LMNTD1: variants seen among roughly 807,000 people sequenced by gnomAD.
LMNTD1 encodes lamin tail domain containing 1, also known as lamin tail domain-containing protein 1.
Under a neutral mutation model 50.9 loss-of-function variants are expected in LMNTD1, and 35 were observed. The ratio of observed to expected loss-of-function variants is 0.69; its 90% CI spans 0.53 to 0.91. The LOEUF (loss-of-function observed/expected upper bound fraction) is 0.91, where lower values mean the gene tolerates loss of function less well. LMNTD1 is among the 40% of genes least tolerant of loss of function. The pLI, the probability that LMNTD1 is intolerant of heterozygous loss-of-function variation, is 0.00. For missense variants in LMNTD1, 470 were observed against 475.5 expected (o/e 0.99, Z 0.11); for synonymous variants, 153 against 161.9 (o/e 0.94, Z 0.42).
At chr12:25,508,428 G>A (rs1939989363) in intron 8 of LMNTD1, among the ~76,000 whole-genome samples, 1 of 152,088 alleles carries the variant, frequency 6.6e-6, no homozygotes, top group Non-Finnish European at 1.5e-5. Flanking sequence ...GTATGCTTAT[G>A]AGATTCACTG....
At chr12:25,608,146 A>G (rs1185567487) in intron 1 of LMNTD1, among the ~76,000 whole-genome samples, 2 of 152,136 alleles carry the variant, frequency 1.3e-5, no homozygotes, top group Non-Finnish European at 1.5e-5. Flanking sequence ...GTCAGAGACT[A>G]GGATTGCAAC....
At chr12:25,525,762 C>A (rs1249718679) in intron 6 of LMNTD1, among the ~76,000 whole-genome samples, 6 of 151,932 alleles carry the variant, frequency 3.9e-5, no homozygotes, top group African/African-American at 1.5e-4. Flanking sequence ...GAAAAAGTAG[C>A]CCAAATGCCC....
chr12:25,535,677 T>A (rs1942529282), intron 4 of LMNTD1, among the ~76,000 whole-genome samples: 1 of 151,972 alleles, frequency 6.6e-6, no homozygotes, highest in Non-Finnish European at 1.5e-5. Flanking sequence ...TGAGAAAAAC[T>A]GGGACAAAGA....
At chr12:25,478,683 G>A (rs1938347519) in intron 9 of LMNTD1, among the ~76,000 whole-genome samples, 1 of 152,196 alleles carries the variant, frequency 6.6e-6, no homozygotes, top group Non-Finnish European at 1.5e-5. Context: ...CTACTTGGGA[G>A]GCTGAGGCAG....
At chr12:25,572,254 A>G (rs925947734) in intron 1 of LMNTD1, among the ~76,000 whole-genome samples, 2 of 152,186 alleles carry the variant, frequency 1.3e-5, no homozygotes, top group African/African-American at 4.8e-5. Context: ...TAATCATTTG[A>G]ACATTATGGG....
At chr12:25,620,799 A>T (rs1029057188) in intron 1 of LMNTD1, among the ~76,000 whole-genome samples, 9 of 152,094 alleles carry the variant, frequency 5.9e-5, no homozygotes, top group Non-Finnish European at 1.2e-4. Flanking sequence ...CCATGTCTTC[A>T]TTTGCTCTAT....
intron 1 of LMNTD1, among the ~76,000 whole-genome samples, chr12:25,575,736 C>A (rs549312054): frequency 1.3e-5 from 2 of 151,694 alleles, no homozygotes; most frequent in Non-Finnish European, 2.9e-5. Flanking sequence ...ATGTGCACAA[C>A]GTGCAGGTTT....
chr12:25,619,784 C>G (rs985350902), intron 1 of LMNTD1, among the ~76,000 whole-genome samples: 1 of 152,204 alleles, frequency 6.6e-6, no homozygotes, highest in Non-Finnish European at 1.5e-5. Context: ...CTAGTTTTGG[C>G]AAAATGGATG....
At chr12:25,503,675 G>A in intron 9 of LMNTD1, 63 bp downstream of exon 9, 1 of 827,374 alleles carries the variant, frequency 1.2e-6, no homozygotes, top group South Asian at 1.5e-5. Flanking sequence ...AGACATTTCT[G>A]CCCATTACTT....
intron 9 of LMNTD1, among the ~76,000 whole-genome samples, chr12:25,480,549 T>A (rs1425717549): frequency 2.0e-5 from 3 of 152,222 alleles, no homozygotes; most frequent in Non-Finnish European, 4.4e-5. Context: ...GGCTTTTCTG[T>A]CTTGGCCAAT....
rs144927019 is a variant in LMNTD1, at chr12:25,641,835, T to C, written c.58+6659A>G. ...GTCTTATCCATTTAGGCTTCTCTGCTTTCCCATCCTAATTTTTTTTCACTC... is the reference window on the plus strand; with the variant it reads ...GTCTTATCCATTTAGGCTTCTCTGCCTTCCCATCCTAATTTTTTTTCACTC... On this transcript the variant is annotated intron_variant, in intron 1 of 7. Transcript: ENST00000445693. Among the ~76,000 whole-genome samples, 59 of 152,248 alleles carry C rather than the reference T, an allele frequency of 3.9e-4. 1 individual carries two copies. In the East Asian group the frequency reaches 0.011, roughly 29 times the overall value.
chr12:25,518,835 T>A lies in LMNTD1; in HGVS notation c.1149A>T (p.Arg383Ser). 2 of 1,614,168 alleles carry A rather than the reference T, an allele frequency of 1.2e-6. No individual in the cohort carries two copies. Among genetic ancestry groups the A allele is most frequent in the South Asian group, 2.2e-5 (2 of 91,070 alleles). The change falls in exon 8 of 10, where the codon AGA becomes AGT. Residue 383 changes from arginine (R) to serine (S), a missense_variant. Transcript: ENST00000458174. ...GTCTGGTTGACCGAGTCCTGGGCTG[T>A]CTATCCAATCTGCCTCCAGCGGTGG... ...NTSTAGGRLDRQPRTRSTRPN... is the reference protein window; with the variant it reads ...NTSTAGGRLDSQPRTRSTRPN...
At chr12:25,542,202 C>T (rs1372786319) in intron 4 of LMNTD1, among the ~76,000 whole-genome samples, 1 of 152,108 alleles carries the variant, frequency 6.6e-6, no homozygotes, top group Non-Finnish European at 1.5e-5. Context: ...TACCATTTGA[C>T]CCAGCCTCCC....
At chr12:25,596,303 A>G (rs554837586) in intron 1 of LMNTD1, among the ~76,000 whole-genome samples, 2 of 152,282 alleles carry the variant, frequency 1.3e-5, no homozygotes, top group South Asian at 4.1e-4. Flanking sequence ...ATCTCTGATG[A>G]ATATAGGTGC....
chr12:25,553,148 T>G lies in LMNTD1; in HGVS notation c.-110A>C. Reference sequence around the variant, plus strand: ...ACTAGTACCAGAACCACAATTCTCATGAGGATATGTAAGTACCAACATAGC... The same window carrying G: ...ACTAGTACCAGAACCACAATTCTCAGGAGGATATGTAAGTACCAACATAGC... On this transcript the variant is annotated 5_prime_UTR_variant, in exon 1 of 10. The change abolishes an upstream ATG in the 5' untranslated region. Transcript: ENST00000458174. 1 of 1,610,214 alleles carries G rather than the reference T, an allele frequency of 6.2e-7. No homozygotes were observed. The highest frequency in any genetic ancestry group is 1.1e-5 in the South Asian group (1 of 90,458).
chr12:25,494,282 T>C (rs1320725548), intron 9 of LMNTD1, among the ~76,000 whole-genome samples: 2 of 152,228 alleles, frequency 1.3e-5, no homozygotes, highest in African/African-American at 4.8e-5. Context: ...TTCGTAATCA[T>C]ATTGACTTCT....
At chr12:25,639,348 A>G (rs1226464401) in intron 1 of LMNTD1, among the ~76,000 whole-genome samples, 1 of 152,154 alleles carries the variant, frequency 6.6e-6, no homozygotes, top group Non-Finnish European at 1.5e-5. Context: ...CTTTTTTGCT[A>G]CAAGGAATAC....
intron 2 of LMNTD1, among the ~76,000 whole-genome samples, chr12:25,552,581 G>A (rs1225936053): frequency 4.1e-4 from 24 of 58,162 alleles, no homozygotes; most frequent in South Asian, 9.7e-4. Context: ...CACTCTGTCT[G>A]AAAAAAAAAA....
intron 1 of LMNTD1, among the ~76,000 whole-genome samples, chr12:25,612,534 T>G (rs1946271407): frequency 6.6e-6 from 1 of 152,178 alleles, no homozygotes; most frequent in Non-Finnish European, 1.5e-5. Flanking sequence ...GTCACTCAGG[T>G]AATGTAAACT....
Sources: gnomAD v4.1 joint callset for allele counts (sites outside exome capture counted in the v4.1 genomes callset) on GRCh38, gnomAD v4.1.1 for gene constraint, MANE v1.5 for transcripts, NCBI Gene and HGNC (gene_info 2026-07-23, HGNC 2026-07-21) for gene names.